The following SPAG16 variants were observed in gnomAD, a reference collection of about 807,000 sequenced individuals.
The protein encoded by SPAG16 is sperm-associated antigen 16 protein.
In SPAG16, 86 loss-of-function variants were observed where a neutral mutation model predicts 80.4. The ratio of observed to expected loss-of-function variants is 1.07; its 90% CI spans 0.90 to 1.28. The LOEUF (loss-of-function observed/expected upper bound fraction) is 1.28, where lower values mean the gene tolerates loss of function less well. SPAG16 is among the 50% of genes most tolerant of loss of function. SPAG16 has a pLI of 0.00. For synonymous variants in SPAG16, 294 were observed against 265.9 expected, an observed-to-expected ratio of 1.11 and a Z score of -1.03; for missense variants, 870 against 765.3, an observed-to-expected ratio of 1.14 and a Z score of -1.61.
intron 10 of SPAG16, among the ~76,000 whole-genome samples, chr2:213,788,475 C>T (rs2070481531): frequency 2.0e-5 from 3 of 151,826 alleles, no homozygotes; most frequent in Non-Finnish European, 2.9e-5. Context: ...TAGTGTTTAT[C>T]TCTACTTCCT....
intron 13 of SPAG16, among the ~76,000 whole-genome samples, chr2:214,092,170 A>G (rs762893582): frequency 1.3e-5 from 2 of 152,140 alleles, no homozygotes; most frequent in Non-Finnish European, 2.9e-5. Flanking sequence ...TTTTGCCACC[A>G]TAAATGGTGC....
chr2:213,594,404 A>G (rs16850485), intron 10 of SPAG16, among the ~76,000 whole-genome samples: 9,043 of 152,196 alleles, frequency 0.059, 899 homozygotes, highest in African/African-American at 0.2. Flanking sequence ...GGCTAACATA[A>G]TAGCTCCTCT....
At chr2:213,331,652 C>G (rs1396999272) in intron 5 of SPAG16, among the ~76,000 whole-genome samples, 4 of 152,134 alleles carry the variant, frequency 2.6e-5, no homozygotes, top group African/African-American at 9.7e-5. Flanking sequence ...AGTTTTAAAA[C>G]ATTCAAAAAT....
Position 213,920,792 on chromosome 2 carries a change from T to G in SPAG16, c.1215-9168T>G, listed in dbSNP as rs534719024. On this transcript the variant is annotated intron_variant, in intron 11 of 15. Transcript: ENST00000331683. The stretch of plus-strand genomic sequence containing the variant: ...GTCTCCTGTGGTAGCATGTCGAGCC[T>G]ACAGGGATGGACATCTCTTGTCATA... 3.4e-4 allele frequency among the ~76,000 whole-genome samples: 52 copies of G among 152,340 alleles called. No individual in the cohort carries two copies. The South Asian group carries it at 9.3e-3, about 27-fold the overall frequency.
intron 15 of SPAG16, among the ~76,000 whole-genome samples, chr2:214,367,030 C>T (rs906299694): frequency 1.3e-5 from 2 of 152,046 alleles, no homozygotes; most frequent in Non-Finnish European, 2.9e-5. Context: ...TCTCCAACTG[C>T]ACCTCTTTGG....
At chr2:214,295,788 C>CA (rs111620248) in intron 15 of SPAG16, among the ~76,000 whole-genome samples, 15 of 148,912 alleles carry the variant, frequency 1.0e-4, no homozygotes, top group South Asian at 4.2e-4. Context: ...AAGACTGTCT[C>CA]AAAAAAAAAG....
intron 9 of SPAG16, among the ~76,000 whole-genome samples, chr2:213,457,831 G>T (rs1314670782): frequency 6.6e-6 from 1 of 151,340 alleles, no homozygotes; most frequent in Admixed American, 6.6e-5. Context: ...ATGACATATT[G>T]GGATAAATTT....
At chr2:213,948,312 T>C (rs2079560865) in intron 12 of SPAG16, among the ~76,000 whole-genome samples, 1 of 152,174 alleles carries the variant, frequency 6.6e-6, no homozygotes, top group South Asian at 2.1e-4. Flanking sequence ...CATTTCTGCA[T>C]ATAATTCAAA....
intron 3 of SPAG16, among the ~76,000 whole-genome samples, chr2:213,300,792 T>C (rs2062711083): frequency 6.6e-6 from 1 of 152,132 alleles, no homozygotes; most frequent in Admixed American, 6.5e-5. Flanking sequence ...ATAACTCAGA[T>C]AAATAAGTGC....
intron 15 of SPAG16, among the ~76,000 whole-genome samples, chr2:214,270,985 G>C (rs1691951791): frequency 2.6e-5 from 4 of 151,952 alleles, no homozygotes; most frequent in Admixed American, 2.6e-4. Flanking sequence ...AGAAAACAGT[G>C]CCCAATAGAA....
rs531699524 is a variant in SPAG16 at position 213,930,458 on chromosome 2, G to A, written c.1400+313G>A. Among the ~76,000 whole-genome samples the A allele has an allele frequency of 4.6e-5, 7 of 152,256 alleles. No individual in the cohort carries two copies. In the East Asian group the frequency reaches 1.4e-3, roughly 29 times the overall value. ...TAGAAACAAATACTTCTTTTAAAGA[G>A]TTGGATTTTTAGTTCCGCTTTCCAC... On this transcript the variant is annotated intron_variant, in intron 12 of 15. Coordinates refer to ENST00000331683, the MANE Select transcript of SPAG16 (RefSeq NM_024532.5).
intron 12 of SPAG16, among the ~76,000 whole-genome samples, chr2:213,974,611 G>T (rs1035856786): frequency 6.6e-6 from 1 of 152,006 alleles, no homozygotes; most frequent in Non-Finnish European, 1.5e-5. Flanking sequence ...ATGCTTATTG[G>T]ATGCTTCCTA....
At chr2:214,386,205 T>C (rs1200837417) in intron 15 of SPAG16, among the ~76,000 whole-genome samples, 1 of 152,004 alleles carries the variant, frequency 6.6e-6, no homozygotes, top group Non-Finnish European at 1.5e-5. Flanking sequence ...TGAAACCCCA[T>C]ATCTACAAAA....
intron 10 of SPAG16, among the ~76,000 whole-genome samples, chr2:213,550,314 CT>C (rs2076743586): frequency 1.3e-5 from 2 of 151,628 alleles, no homozygotes; most frequent in South Asian, 4.2e-4. Context: ...AAGTCCTAGT[CT>C]TCTTTCTATT....
intron 12 of SPAG16, among the ~76,000 whole-genome samples, chr2:213,994,085 G>T (rs890181145): frequency 2.0e-5 from 3 of 152,096 alleles, no homozygotes; most frequent in African/African-American, 7.2e-5. Flanking sequence ...AGTGTGATAC[G>T]ATGTTATAAA....
At chr2:213,368,191 C>T (rs868283230) in intron 8 of SPAG16, among the ~76,000 whole-genome samples, 23 of 152,244 alleles carry the variant, frequency 1.5e-4, no homozygotes, top group African/African-American at 5.1e-4. Flanking sequence ...GTTACTGTAG[C>T]CTTGTAGTAT....
chr2:214,117,540 CCAA>C (rs754598001), intron 14 of SPAG16, among the ~76,000 whole-genome samples: 14 of 151,894 alleles, frequency 9.2e-5, no homozygotes, highest in Admixed American at 2.0e-4. Flanking sequence ...AGACAAGGAC[CCAA>C]CAACAACAAC....
At chr2:213,730,277 A>C (rs1232388818) in intron 10 of SPAG16, among the ~76,000 whole-genome samples, 1 of 152,226 alleles carries the variant, frequency 6.6e-6, no homozygotes, top group Non-Finnish European at 1.5e-5. Context: ...GGTTGATGGC[A>C]AAGTTTATGA....
intron 10 of SPAG16, among the ~76,000 whole-genome samples, chr2:213,680,203 A>G (rs2064307815): frequency 6.6e-6 from 1 of 152,102 alleles, no homozygotes. Flanking sequence ...ACTGGCAGAA[A>G]ATTGAAACCT....
Sources: allele counts gnomAD v4.1 joint callset (sites outside exome capture counted in the v4.1 genomes callset), GRCh38; gene constraint gnomAD v4.1.1; transcripts MANE v1.5; gene names NCBI Gene and HGNC (gene_info 2026-07-23, HGNC 2026-07-21).